The following IFT27 variants were observed in gnomAD, a reference collection of about 807,000 sequenced individuals.
IFT27 encodes the protein intraflagellar transport 27, also known as intraflagellar transport protein 27 homolog.
In IFT27, 19 loss-of-function variants were observed where a neutral mutation model predicts 23.9. The observed-to-expected ratio is 0.79, with a 90% confidence interval of 0.55 to 1.16. The LOEUF is 1.16. Among genes scored for constraint, IFT27 ranks in the 50% most tolerant of loss-of-function variants. The probability of loss-of-function intolerance (pLI) is 0.00; values close to 1 mark genes in which losing one functional copy is unlikely to be tolerated. For missense variants in IFT27, 206 were observed against 228.7 expected, an observed-to-expected ratio of 0.90 and a Z score of 0.64; for synonymous variants, 91 against 89.1, an observed-to-expected ratio of 1.02 and a Z score of -0.12.
At chr22:36,773,115 T>C (rs754132677) in intron 1 of IFT27, among the ~76,000 whole-genome samples, 7 of 152,102 alleles carry the variant, frequency 4.6e-5, no homozygotes, top group Non-Finnish European at 8.8e-5. Context: ...ATCCCAGCAC[T>C]TTGGGAGGCT....
chr22:36,763,465 C>T, intron 5 of IFT27: 1 of 268,376 alleles, frequency 3.7e-6, no homozygotes, highest in South Asian at 4.6e-5. Context: ...ATTTTTGAGC[C>T]TGTCTCTGGA....
chr22:36,770,381 G>A (rs975005463), intron 1 of IFT27, among the ~76,000 whole-genome samples: 6 of 151,978 alleles, frequency 3.9e-5, no homozygotes, highest in South Asian at 2.1e-4. Flanking sequence ...TCTGCCCCCC[G>A]AGTGTGGGCA....
intron 6 of IFT27, chr22:36,758,693 T>A: frequency 2.3e-6 from 1 of 432,702 alleles, no homozygotes; most frequent in African/African-American, 2.0e-5. Context: ...GTGCTTTTAG[T>A]TGCAGTCACT....
At chr22:36,766,246 T>G (rs1938246798) in intron 3 of IFT27, 49 bp from the exon 4 acceptor site, 1 of 1,494,144 alleles carries the variant, frequency 6.7e-7, no homozygotes, top group Admixed American at 1.7e-5. Context: ...AACCACAAGC[T>G]ACGAGTCACT....
At chr22:36,763,498 T>C in intron 5 of IFT27, 1 of 316,042 alleles carries the variant, frequency 3.2e-6, no homozygotes, top group Non-Finnish European at 6.1e-6. Context: ...CGGTCTATAA[T>C]GAGGAGAATT....
chr22:36,764,879 C>A (rs1425913747), intron 4 of IFT27, among the ~76,000 whole-genome samples: 1 of 152,204 alleles, frequency 6.6e-6, no homozygotes, highest in Non-Finnish European at 1.5e-5. Flanking sequence ...CTTGGCCATG[C>A]TCTGGTTTCT....
At chr22:36,771,205 C>T (rs1369408133) in intron 1 of IFT27, among the ~76,000 whole-genome samples, 1 of 152,172 alleles carries the variant, frequency 6.6e-6, no homozygotes, top group African/African-American at 2.4e-5. Context: ...CACATGCTTC[C>T]CTCTGCTTCC....
At chr22:36,767,887 AG>A (rs1478501222) in intron 1 of IFT27, 25 bp from the exon 2 acceptor site, 1 of 1,588,642 alleles carries the variant, frequency 6.3e-7, no homozygotes, top group African/African-American at 1.3e-5. Flanking sequence ...AAGAAGAAAA[AG>A]AACGCCTTAG....
At chr22:36,772,004 C>T (rs1938396391) in intron 1 of IFT27, among the ~76,000 whole-genome samples, 1 of 152,196 alleles carries the variant, frequency 6.6e-6, no homozygotes, top group African/African-American at 2.4e-5. Context: ...TTCCTGTTCG[C>T]CCAGTCCCTG....
chr22:36,769,179 T>C (rs770628585), intron 1 of IFT27, among the ~76,000 whole-genome samples: 4 of 152,236 alleles, frequency 2.6e-5, no homozygotes, highest in Non-Finnish European at 4.4e-5. Context: ...CAATATGTGC[T>C]GAGCCCCCCT....
chr22:36,761,055 C>T (rs1467511336), intron 6 of IFT27: 1 of 157,716 alleles, frequency 6.3e-6, no homozygotes, highest in Non-Finnish European at 1.5e-5. Context: ...TTCTGTGAGC[C>T]TCAACTCAGG....
At chr22:36,774,954 T>C (rs1264607089) in intron 1 of IFT27, among the ~76,000 whole-genome samples, 2 of 152,254 alleles carry the variant, frequency 1.3e-5, no homozygotes, top group Admixed American at 6.5e-5. Context: ...ATCCAAAATA[T>C]TGTTTTTCTA....
intron 6 of IFT27, chr22:36,761,775 C>T (rs1290584986): frequency 6.6e-6 from 1 of 152,202 alleles, no homozygotes; most frequent in Non-Finnish European, 1.5e-5. Flanking sequence ...GCTGTACTTT[C>T]CCTAAGGAAG....
At chr22:36,769,111 TTTGAGTGAG>T (rs1456187671) in intron 1 of IFT27, among the ~76,000 whole-genome samples, 1 of 152,218 alleles carries the variant, frequency 6.6e-6, no homozygotes, top group Non-Finnish European at 1.5e-5. Flanking sequence ...CTCCTCCAGG[TTTGAGTGAG>T]CTATTCAGGT....
At chr22:36,758,945 T>C (rs1938004389) in intron 6 of IFT27, 1 of 155,524 alleles carries the variant, frequency 6.4e-6, no homozygotes. Context: ...TTTGTCAAAC[T>C]AAACGGCTGC....
intron 6 of IFT27, 51 bp downstream of exon 6, chr22:36,762,853 C>A: frequency 8.1e-7 from 1 of 1,240,240 alleles, no homozygotes; most frequent in Non-Finnish European, 1.1e-6. Context: ...AAGACCGCTG[C>A]CAGCAGAGGC....
intron 1 of IFT27, among the ~76,000 whole-genome samples, chr22:36,771,001 T>C (rs1040409523): frequency 3.3e-5 from 5 of 152,188 alleles, no homozygotes; most frequent in African/African-American, 1.2e-4. Flanking sequence ...AGTACTACCC[T>C]AGCAATGGCC....
At chr22:36,774,606 G>A (rs6000406) in intron 1 of IFT27, among the ~76,000 whole-genome samples, 3 of 152,118 alleles carry the variant, frequency 2.0e-5, no homozygotes. Context: ...TCAGGAGTTC[G>A]AGACCAGTCT....
intron 5 of IFT27, chr22:36,763,623 G>A (rs1938156775): frequency 2.0e-6 from 1 of 492,420 alleles, no homozygotes; most frequent in Non-Finnish European, 3.7e-6. Flanking sequence ...ACTCTTCCCT[G>A]GGGTTAGCTT....
Sources: allele counts gnomAD v4.1 joint callset (sites outside exome capture counted in the v4.1 genomes callset), GRCh38; gene constraint gnomAD v4.1.1; transcripts MANE v1.5; gene names NCBI Gene and HGNC (gene_info 2026-07-23, HGNC 2026-07-21).